GDA: variants seen among roughly 807,000 people sequenced by gnomAD.
GDA encodes the protein cytoplasmic PSD-95 interactor.
Under a neutral mutation model 59.6 loss-of-function variants are expected in GDA, and 18 were observed. The observed-to-expected ratio is 0.30, with a 90% CI of 0.21 to 0.45. The LOEUF (loss-of-function observed/expected upper bound fraction) is 0.45, where lower values mean the gene tolerates loss of function less well. Ranked by LOEUF, GDA falls within the 20% of genes least tolerant of loss-of-function variation. GDA has a pLI of 1.00. For synonymous variants in GDA, 201 were observed against 201.1 expected (o/e 1.00, Z 0.00); for missense variants, 427 against 552.3 (o/e 0.77, Z 2.27).
chr9:72,194,551 G>A (rs1832925520), intron 1 of GDA, among the ~76,000 whole-genome samples: 1 of 152,034 alleles, frequency 6.6e-6, no homozygotes, highest in Admixed American at 6.6e-5. Flanking sequence ...GTCTCTTTTG[G>A]AGCCATGAGC....
rs143101915 is a variant in GDA at position 72,189,312 on chromosome 9, C to T, written c.124-6188C>T. Among the ~76,000 whole-genome samples the T allele has an allele frequency of 1.1e-4, 17 of 151,232 alleles. No homozygotes were observed. The East Asian group carries it at 3.3e-3, about 29-fold the overall frequency. On this transcript the variant is annotated intron_variant, in intron 1 of 13. Coordinates refer to ENST00000358399, the MANE Select transcript of GDA (RefSeq NM_004293.5). ...CCTCCCACCTTAGCCTCCTGAATAG[C>T]TGGGGTTACAGGCATGCATCCCCAT...
intron 1 of GDA, among the ~76,000 whole-genome samples, chr9:72,173,522 G>A (rs1204050367): frequency 6.6e-6 from 1 of 151,906 alleles, no homozygotes; most frequent in East Asian, 1.9e-4. Flanking sequence ...GGAGGGGCAG[G>A]ATTTCACCAT....
chr9:72,227,906 G>A, intron 8 of GDA, 37 bp from the exon 9 acceptor site: 1 of 1,082,948 alleles, frequency 9.2e-7, no homozygotes, highest in Non-Finnish European at 1.4e-6. Flanking sequence ...AATCATTTGT[G>A]AGCGGTAAAC....
intron 5 of GDA, 87 bp from the exon 6 acceptor site, chr9:72,219,392 G>A (rs1454665243): frequency 1.0e-6 from 1 of 971,810 alleles, no homozygotes; most frequent in African/African-American, 1.6e-5. Flanking sequence ...GACAGAGCCA[G>A]ACTCTGTCTG....
In GDA at chr9:72,121,463, G is replaced by GGT. The variant is rs1825657887; in HGVS notation, c.-100+6631_-100+6632insTG. ...AATACAAAAATTAGCTGGGCGTGGT[G>GGT]GCAGGCGCCTGTAATCCCAGCTACT... On this transcript the variant is annotated intron_variant, in intron 1 of 13. Transcript: ENST00000545168. Among the ~76,000 whole-genome samples, 5 of 152,272 alleles carry GGT rather than the reference G, an allele frequency of 3.3e-5. No homozygotes were observed. The East Asian group carries it at 9.7e-4, about 29-fold the overall frequency.
At chr9:72,122,348 C>T (rs1825689833) in intron 1 of GDA, among the ~76,000 whole-genome samples, 1 of 152,112 alleles carries the variant, frequency 6.6e-6, no homozygotes, top group Non-Finnish European at 1.5e-5. Context: ...CTCTTTGAAC[C>T]TTCCTTTCCT....
chr9:72,249,419 G>A lies in GDA; in HGVS notation c.*1077G>A, dbSNP rs980364372. 1.1e-6 allele frequency: 1 copy of A among 930,580 alleles called. No homozygotes were observed. The highest frequency in any genetic ancestry group is 1.3e-6 in the Non-Finnish European group (1 of 780,124). 57.6% of individuals were successfully genotyped at this position (930,580 alleles called of 1,614,324 possible). ...TAAAAATCTTTAAACCCTGTGTATT[G>A]AAAGCACTCTATTTTCTAATTTTAT... On this transcript the variant is annotated 3_prime_UTR_variant, in exon 14 of 14. Transcript: ENST00000358399.
At chr9:72,200,397 C>T (rs1833837012) in intron 2 of GDA, among the ~76,000 whole-genome samples, 1 of 150,608 alleles carries the variant, frequency 6.6e-6, no homozygotes, top group Admixed American at 6.7e-5. Flanking sequence ...TCTTTTTCTC[C>T]TTCTCCTCCT....
chr9:72,255,782 T>C (rs1478396271), downstream of GDA, among the ~76,000 whole-genome samples: 1 of 152,158 alleles, frequency 6.6e-6, no homozygotes, highest in Non-Finnish European at 1.5e-5. Context: ...CTATGGAGTT[T>C]AGGTTGTTTG....
intron 1 of GDA, among the ~76,000 whole-genome samples, chr9:72,139,481 T>C (rs746235521): frequency 6.6e-6 from 1 of 152,190 alleles, no homozygotes; most frequent in South Asian, 2.1e-4. Context: ...ATGTAGTCTG[T>C]AGTCTGAGAT....
At chr9:72,148,303 GTGTGTA>G (rs1365721909), upstream of GDA, among the ~76,000 whole-genome samples, 355 of 77,082 alleles carry the variant, frequency 4.6e-3, 3 homozygotes, top group African/African-American at 0.016. Context: ...TGTTATTGGT[GTGTGTA>G]TGTGTGTGTG....
intron 5 of GDA, among the ~76,000 whole-genome samples, chr9:72,214,403 C>A (rs978942756): frequency 8.6e-5 from 13 of 151,872 alleles, no homozygotes; most frequent in Non-Finnish European, 7.4e-5. Flanking sequence ...TCAAGCGATT[C>A]TTCCACCTCA....
In GDA at chr9:72,202,761, A is replaced by G. The variant is rs149388704; in HGVS notation, c.384+19A>G. 80 of 1,574,630 alleles carry G rather than the reference A, an allele frequency of 5.1e-5. No individual in the cohort carries two copies. Among genetic ancestry groups the G allele is most frequent in the Non-Finnish European group, 6.6e-5 (76 of 1,147,990 alleles). On this transcript the variant is annotated intron_variant, in intron 3 of 13. Coordinates refer to ENST00000358399, the MANE Select transcript of GDA (RefSeq NM_004293.5). ...AGTTGTCGTAAGTATCTTGTGTGTGAGTGTGGTATTCTGTTTGGTCATCTA... is the reference window on the plus strand; with the variant it reads ...AGTTGTCGTAAGTATCTTGTGTGTGGGTGTGGTATTCTGTTTGGTCATCTA...
At chr9:72,189,132 T>G (rs952863220) in intron 1 of GDA, among the ~76,000 whole-genome samples, 4 of 149,420 alleles carry the variant, frequency 2.7e-5, no homozygotes, top group African/African-American at 9.9e-5. Context: ...CTGTCTGGTG[T>G]CTCACCCACA....
chr9:72,142,995 C>G (rs963399079), intron 1 of GDA, among the ~76,000 whole-genome samples: 3 of 151,530 alleles, frequency 2.0e-5, no homozygotes, highest in Non-Finnish European at 4.4e-5. Context: ...TCTCGAACTC[C>G]CGACCTCAGA....
chr9:72,166,975 C>A (rs1252303994), intron 1 of GDA, among the ~76,000 whole-genome samples: 4 of 152,122 alleles, frequency 2.6e-5, no homozygotes, highest in Non-Finnish European at 5.9e-5. Flanking sequence ...AAACTAAATT[C>A]TTGACAGGCA....
chr9:72,186,077 A>G (rs548408784), intron 1 of GDA, among the ~76,000 whole-genome samples: 1 of 152,186 alleles, frequency 6.6e-6, no homozygotes, highest in East Asian at 1.9e-4. Context: ...CCAATTGGCC[A>G]TGGTGGGTAC....
At chr9:72,237,911 C>G (rs1220617612) in intron 10 of GDA, among the ~76,000 whole-genome samples, 1 of 152,098 alleles carries the variant, frequency 6.6e-6, no homozygotes, top group Non-Finnish European at 1.5e-5. Flanking sequence ...AAGCTGCCAT[C>G]GTTTCCTGCT....
intron 1 of GDA, among the ~76,000 whole-genome samples, chr9:72,176,305 G>A (rs1465213020): frequency 1.3e-5 from 2 of 152,158 alleles, no homozygotes; most frequent in Non-Finnish European, 2.9e-5. Context: ...ACAGTGAGAG[G>A]GCCAGATGGA....
Sources: allele counts gnomAD v4.1 joint callset (sites outside exome capture counted in the v4.1 genomes callset), GRCh38; gene constraint gnomAD v4.1.1; transcripts MANE v1.5; gene names NCBI Gene and HGNC (gene_info 2026-07-23, HGNC 2026-07-21).